The following C2CD2 variants were observed in gnomAD, a reference collection of about 807,000 sequenced individuals.
C2CD2 encodes the protein C2 calcium dependent domain containing 2.
C2CD2 carries 43 observed loss-of-function variants against 74.3 expected under a neutral mutation model. The observed-to-expected ratio is 0.58, with a 90% CI of 0.45 to 0.75. The LOEUF (loss-of-function observed/expected upper bound fraction) is 0.75, where lower values mean the gene tolerates loss of function less well. C2CD2 is among the 30% of genes least tolerant of loss of function. The pLI, the probability that C2CD2 is intolerant of heterozygous loss-of-function variation, is 0.00. For synonymous variants in C2CD2, 422 were observed against 390.7 expected (o/e 1.08, Z -0.94); for missense variants, 801 against 916.3 (o/e 0.87, Z 1.63).
At chr21:41,920,528 A>G (rs1275589274) in intron 3 of C2CD2, among the ~76,000 whole-genome samples, 1 of 152,178 alleles carries the variant, frequency 6.6e-6, no homozygotes, top group Non-Finnish European at 1.5e-5. Context: ...TAATTCTAGG[A>G]AAAAAATTAG....
chr21:41,932,505 G>A (rs143506081), intron 2 of C2CD2, among the ~76,000 whole-genome samples: 1 of 150,648 alleles, frequency 6.6e-6, no homozygotes, highest in South Asian at 2.1e-4. Context: ...AGTGGGGGCC[G>A]TCTTGCGGGA....
intron 2 of C2CD2, among the ~76,000 whole-genome samples, chr21:41,938,285 C>T (rs1175966239): frequency 6.6e-6 from 1 of 151,866 alleles, no homozygotes; most frequent in East Asian, 1.9e-4. Flanking sequence ...CAAGGATTGA[C>T]AAATCATAGC....
intron 11 of C2CD2, among the ~76,000 whole-genome samples, chr21:41,902,446 C>T (rs988695216): frequency 3.3e-5 from 5 of 152,246 alleles, no homozygotes; most frequent in Admixed American, 6.5e-5. Context: ...CTATTCCACA[C>T]CCCATGAGCA....
chr21:41,926,537 CA>C lies in C2CD2; in HGVS notation c.379-4453del. ...TCATTCACCTTCTCGGTGCTCTCTC[CA>C]GCCTCAACACCTTGACCTCATGTAG... On this transcript the variant is annotated intron_variant, in intron 2 of 13. Coordinates refer to ENST00000380486, the MANE Select transcript of C2CD2 (RefSeq NM_015500.2). This position sits in a 1 kb window ranked among gnomAD's most constrained non-coding sequence, Gnocchi z 8.0. 1 of 745,934 alleles carries C rather than the reference CA, an allele frequency of 1.3e-6. No homozygotes were observed. The highest frequency in any genetic ancestry group is 6.8e-4 in the Middle Eastern group (1 of 1,468). 46.2% of individuals were successfully genotyped at this position (745,934 alleles called of 1,614,324 possible).
intron 2 of C2CD2, among the ~76,000 whole-genome samples, chr21:41,940,894 C>T (rs926614367): frequency 7.2e-5 from 11 of 152,122 alleles, no homozygotes; most frequent in Non-Finnish European, 1.0e-4. Flanking sequence ...TGGAGCTGGC[C>T]TTTGGATTTG....
Position 41,888,901 on chromosome 21 carries a change from C to T in C2CD2, c.*223G>A. 1.7e-6 allele frequency: 1 copy of T among 589,370 alleles called. No individual in the cohort carries two copies. Among genetic ancestry groups the T allele is most frequent in the East Asian group, 2.8e-5 (1 of 35,334 alleles). 36.5% of individuals were successfully genotyped at this position (589,370 alleles called of 1,614,324 possible). On this transcript the variant is annotated 3_prime_UTR_variant, in exon 14 of 14. Transcript: ENST00000380486. ...CCCAAGCTCTGCAGCTGTCAAGTCT[C>T]ATTTAGCATCTGGTGGCAAGTTGGG...
chr21:41,915,521 C>T (rs1178909915), intron 5 of C2CD2, among the ~76,000 whole-genome samples: 1 of 152,008 alleles, frequency 6.6e-6, no homozygotes. Flanking sequence ...ACTGCAACCT[C>T]TGCCTCCTGG....
chr21:41,915,727 AC>A (rs1230931241), intron 5 of C2CD2, among the ~76,000 whole-genome samples: 4 of 152,114 alleles, frequency 2.6e-5, no homozygotes, highest in African/African-American at 9.7e-5. Context: ...GGCATGAGCC[AC>A]CACGCCTGGC....
intron 7 of C2CD2, among the ~76,000 whole-genome samples, chr21:41,911,010 T>C (rs1167251170): frequency 2.4e-5 from 3 of 125,636 alleles, no homozygotes; most frequent in Admixed American, 7.9e-5. Flanking sequence ...TAGAATAAAA[T>C]AGGCATCCTT....
rs1339832860 is a variant in C2CD2, at chr21:41,924,007, T to C, written c.379-1922A>G. ...GCCAAAAAGCAAAGCTACCAGGAGCTGAGGGTAAGTCAGACTGACCTCCTC... is the reference window on the plus strand; with the variant it reads ...GCCAAAAAGCAAAGCTACCAGGAGCCGAGGGTAAGTCAGACTGACCTCCTC... On this transcript the variant is annotated intron_variant, in intron 2 of 13. Transcript: ENST00000380486. The surrounding 1 kb of genome is among the most constrained non-coding windows in gnomAD (Gnocchi z 4.4). Among the ~76,000 whole-genome samples, 2 of 152,188 alleles carry C rather than the reference T, an allele frequency of 1.3e-5. No homozygotes were observed. The highest frequency in any genetic ancestry group is 1.5e-5 in the Non-Finnish European group (1 of 68,030).
chr21:41,913,299 C>T (rs1347599870), intron 6 of C2CD2, among the ~76,000 whole-genome samples: 4 of 152,250 alleles, frequency 2.6e-5, no homozygotes, highest in Non-Finnish European at 5.9e-5. Context: ...CTTCTCCCTG[C>T]AGCACAAAGT....
intron 3 of C2CD2, among the ~76,000 whole-genome samples, chr21:41,920,254 GT>G (rs2065141271): frequency 6.6e-6 from 1 of 152,234 alleles, no homozygotes; most frequent in Non-Finnish European, 1.5e-5. Flanking sequence ...TCACCAATCT[GT>G]GCTGTTTTAA....
intron 13 of C2CD2, among the ~76,000 whole-genome samples, chr21:41,893,731 T>G (rs965771776): frequency 6.8e-6 from 1 of 146,278 alleles, no homozygotes; most frequent in African/African-American, 2.6e-5. Flanking sequence ...AGACGGAGTC[T>G]CGCTCTGTCG....
chr21:41,941,645 A>C (rs1207000333), intron 2 of C2CD2, among the ~76,000 whole-genome samples: 1 of 152,210 alleles, frequency 6.6e-6, no homozygotes, highest in Non-Finnish European at 1.5e-5. Context: ...AGCTATACAA[A>C]TCAATGGTTT....
chr21:41,910,683 A>C (rs919086347), intron 7 of C2CD2, among the ~76,000 whole-genome samples: 4 of 150,926 alleles, frequency 2.7e-5, no homozygotes, highest in Non-Finnish European at 5.9e-5. Flanking sequence ...CATGATTTAT[A>C]AAAGCTATAC....
At chr21:41,919,073 T>C (rs1391119470) in intron 3 of C2CD2, 113 bp from the exon 4 acceptor site, 2 of 747,286 alleles carry the variant, frequency 2.7e-6, no homozygotes, top group African/African-American at 1.7e-5. Flanking sequence ...CATGTGAGCA[T>C]GTGTCTATGT....
intron 1 of C2CD2, among the ~76,000 whole-genome samples, chr21:41,950,897 C>T (rs562769611): frequency 1.9e-4 from 29 of 152,282 alleles, no homozygotes; most frequent in African/African-American, 5.1e-4. Context: ...AATCCCTAAG[C>T]GACAGGCCAA....
chr21:41,910,611 C>T (rs1212104033), intron 7 of C2CD2, among the ~76,000 whole-genome samples: 2 of 152,062 alleles, frequency 1.3e-5, no homozygotes. Flanking sequence ...GTAGCTCTGG[C>T]TTTTGTATTT....
intron 2 of C2CD2, among the ~76,000 whole-genome samples, chr21:41,938,418 T>C (rs1176389581): frequency 6.6e-6 from 1 of 152,122 alleles, no homozygotes; most frequent in African/African-American, 2.4e-5. Flanking sequence ...AAACTGACCA[T>C]TTAAGCCATT....
Sources: gnomAD v4.1 joint callset for allele counts (sites outside exome capture counted in the v4.1 genomes callset) on GRCh38, gnomAD v4.1.1 for gene constraint, Gnocchi (gnomAD v3.1) non-coding constraint, MANE v1.5 for transcripts, NCBI Gene and HGNC (gene_info 2026-07-23, HGNC 2026-07-21) for gene names.